TNFRSF19: variants seen among roughly 807,000 people sequenced by gnomAD.
TNFRSF19 encodes the protein TNF receptor superfamily member 19.
Under a neutral mutation model 46.4 loss-of-function variants are expected in TNFRSF19, and 27 were observed. The ratio of observed to expected loss-of-function variants is 0.58; its 90% CI spans 0.43 to 0.80. The LOEUF is 0.80. Ranked by LOEUF, TNFRSF19 falls within the 30% of genes least tolerant of loss-of-function variation. The probability of loss-of-function intolerance (pLI) is 0.00; values close to 1 mark genes in which losing one functional copy is unlikely to be tolerated. For missense variants in TNFRSF19, 511 were observed against 530.8 expected (o/e 0.96, Z 0.37); for synonymous variants, 204 against 205.0 (o/e 1.00, Z 0.04).
At chr13:23,614,158 G>A (rs1881091873) in intron 3 of TNFRSF19, among the ~76,000 whole-genome samples, 1 of 152,116 alleles carries the variant, frequency 6.6e-6, no homozygotes. Flanking sequence ...TCAGGAGTGA[G>A]GAGGAGGCTG....
Position 23,675,961 on chromosome 13 carries a change from T to G in TNFRSF19, c.*2581T>G, listed in dbSNP as rs1323174971. On this transcript the variant is annotated 3_prime_UTR_variant, in exon 10 of 10. Coordinates refer to ENST00000248484, the MANE Select transcript of TNFRSF19 (RefSeq NM_148957.4). ...AGAAAGGAAAACCATCATTGCTTTATAGTAGCTTATATCAATTTAGATTTC... is the reference window on the plus strand; with the variant it reads ...AGAAAGGAAAACCATCATTGCTTTAGAGTAGCTTATATCAATTTAGATTTC... The G allele has an allele frequency of 3.9e-5, 6 of 152,246 alleles. No homozygotes were observed. The highest frequency in any genetic ancestry group is 3.9e-4 in the Admixed American group (6 of 15,284). The allele number at this position is 152,246 out of a possible 1,614,324, so 9.4% of individuals were successfully genotyped here. A position where few individuals can be genotyped will look rare whatever the true frequency, so the allele number is the denominator to read the frequency against.
chr13:23,618,446 T>A (rs781027574), intron 4 of TNFRSF19, among the ~76,000 whole-genome samples: 1 of 152,174 alleles, frequency 6.6e-6, no homozygotes, highest in East Asian at 1.9e-4. Context: ...ACCCACATTC[T>A]TCAACCCCAC....
chr13:23,627,884 A>C (rs1218448720), intron 5 of TNFRSF19, among the ~76,000 whole-genome samples: 1 of 152,130 alleles, frequency 6.6e-6, no homozygotes, highest in Non-Finnish European at 1.5e-5. Context: ...AAAATGCATT[A>C]TTTTCTATTC....
chr13:23,672,986 A>G (rs1050140928), intron 9 of TNFRSF19, among the ~76,000 whole-genome samples: 7 of 152,260 alleles, frequency 4.6e-5, no homozygotes, highest in African/African-American at 1.7e-4. Context: ...GAAAGGAAAT[A>G]CAGAATCCTA....
intron 5 of TNFRSF19, among the ~76,000 whole-genome samples, chr13:23,633,661 C>T (rs915926598): frequency 3.9e-5 from 6 of 151,988 alleles, no homozygotes; most frequent in Non-Finnish European, 7.4e-5. Context: ...CCAGCCTGGC[C>T]GACATGACGA....
At chr13:23,623,315 T>G (rs1450088971) in intron 4 of TNFRSF19, among the ~76,000 whole-genome samples, 1 of 152,214 alleles carries the variant, frequency 6.6e-6, no homozygotes, top group Admixed American at 6.5e-5. Flanking sequence ...TAATAATATT[T>G]CATTCTGTGA....
chr13:23,635,084 C>T (rs751974017), intron 5 of TNFRSF19, among the ~76,000 whole-genome samples: 8 of 152,078 alleles, frequency 5.3e-5, no homozygotes, highest in East Asian at 1.9e-4. Context: ...GACATGGTCA[C>T]GTGGAGGGTA....
chr13:23,574,126 A>G (rs79509890), intron 1 of TNFRSF19, among the ~76,000 whole-genome samples: 3,632 of 151,002 alleles, frequency 0.024, 112 homozygotes, highest in East Asian at 0.09. Flanking sequence ...TTTAGTTACT[A>G]ATAAAATTTT....
chr13:23,631,274 T>C (rs1882346834), intron 5 of TNFRSF19, among the ~76,000 whole-genome samples: 1 of 152,224 alleles, frequency 6.6e-6, no homozygotes, highest in African/African-American at 2.4e-5. Context: ...TTTGCAGCAT[T>C]GATCATTACA....
chr13:23,590,134 CCTAT>C lies in TNFRSF19; in HGVS notation c.-34-13_-34-10del, dbSNP rs1294547620. On this transcript the variant is annotated splice_polypyrimidine_tract_variant and intron_variant, in intron 1 of 9. Coordinates refer to ENST00000248484, the MANE Select transcript of TNFRSF19 (RefSeq NM_148957.4). Reference sequence around the variant, plus strand: ...ATGTTTTTAATATTAACTGCATCTTCCTATCTTTTATTTAGAACTCTCCAACAAT... The same window carrying C: ...ATGTTTTTAATATTAACTGCATCTTCCTTTTATTTAGAACTCTCCAACAAT... 7.7e-7 allele frequency: 1 copy of C among 1,304,290 alleles called. No homozygotes were observed. The allele number at this position is 1,304,290 out of a possible 1,614,324, so 80.8% of individuals were successfully genotyped here.
At chr13:23,622,265 G>A (rs1174743436) in intron 4 of TNFRSF19, among the ~76,000 whole-genome samples, 2 of 103,000 alleles carry the variant, frequency 1.9e-5, no homozygotes, top group Non-Finnish European at 4.8e-5. Context: ...AAAATTAGCT[G>A]GGCATGGTAA....
intron 5 of TNFRSF19, among the ~76,000 whole-genome samples, chr13:23,629,752 A>G (rs1036490748): frequency 6.6e-6 from 1 of 152,190 alleles, no homozygotes; most frequent in Admixed American, 6.5e-5. Context: ...GCAACATGAT[A>G]CCTGCCCCGG....
At chr13:23,628,553 T>A (rs904724267) in intron 5 of TNFRSF19, among the ~76,000 whole-genome samples, 1 of 152,002 alleles carries the variant, frequency 6.6e-6, no homozygotes, top group South Asian at 2.1e-4. Context: ...GTCTTAGGGG[T>A]TTTTTCCCAT....
At chr13:23,646,109 A>G (rs1490488539) in intron 5 of TNFRSF19, among the ~76,000 whole-genome samples, 2 of 152,144 alleles carry the variant, frequency 1.3e-5, no homozygotes, top group Non-Finnish European at 2.9e-5. Context: ...AACCCAAGCC[A>G]TCACCATCAA....
chr13:23,583,713 TG>T lies in TNFRSF19; in HGVS notation c.-34-6435del, dbSNP rs1194619242. ...TTACACTGGAGAAGAACACTACAAA[TG>T]GTGTAAAGAGTGGTTTTGGAATGTA... On this transcript the variant is annotated intron_variant, in intron 1 of 9. Coordinates refer to ENST00000248484, the MANE Select transcript of TNFRSF19 (RefSeq NM_148957.4). Among the ~76,000 whole-genome samples the T allele has an allele frequency of 2.6e-5, 4 of 152,304 alleles. No individual in the cohort carries two copies. In the East Asian group the frequency reaches 7.7e-4, roughly 29 times the overall value.
chr13:23,607,214 G>T (rs1880568730), intron 3 of TNFRSF19, among the ~76,000 whole-genome samples: 1 of 152,124 alleles, frequency 6.6e-6, no homozygotes, highest in Non-Finnish European at 1.5e-5. Flanking sequence ...CAGGTGGATT[G>T]CCTGAGGTCA....
rs1238491587 is a variant in TNFRSF19, at chr13:23,598,047, C to T, written c.180+4592C>T. On this transcript the variant is annotated intron_variant, in intron 3 of 9. Transcript: ENST00000248484. ...AAAAGACCTTTGACAAAATTCACCC[C>T]GTCATGCTAAAAACTCTCAATAAAC... Among the ~76,000 whole-genome samples, 9 of 152,186 alleles carry T rather than the reference C, an allele frequency of 5.9e-5. No individual in the cohort carries two copies. In the East Asian group the frequency reaches 1.2e-3, roughly 20 times the overall value.
intron 8 of TNFRSF19, 85 bp from the exon 9 acceptor site, chr13:23,668,607 A>T (rs1593304564): frequency 6.8e-7 from 1 of 1,470,320 alleles, no homozygotes; most frequent in Non-Finnish European, 9.2e-7. Context: ...CATTTAGAAG[A>T]CCTAAAATTA....
intron 5 of TNFRSF19, among the ~76,000 whole-genome samples, chr13:23,650,809 GA>G (rs1295229609): frequency 6.6e-6 from 1 of 152,048 alleles, no homozygotes; most frequent in Non-Finnish European, 1.5e-5. Flanking sequence ...GCTTTTTTTG[GA>G]AATAATATTT....
Sources: gnomAD v4.1 joint callset for allele counts (sites outside exome capture counted in the v4.1 genomes callset) on GRCh38, gnomAD v4.1.1 for gene constraint, MANE v1.5 for transcripts, NCBI Gene and HGNC (gene_info 2026-07-23, HGNC 2026-07-21) for gene names.